Variants in COL11A1 observed in about 807,000 individuals in gnomAD.
COL11A1 encodes the protein collagen type XI alpha 1 chain.
A neutral mutation model predicts 265.2 loss-of-function variants in COL11A1; 74 were observed. The ratio of observed to expected loss-of-function variants is 0.28; its 90% CI spans 0.23 to 0.34. The LOEUF (loss-of-function observed/expected upper bound fraction) is 0.34. COL11A1 is among the 10% of genes least tolerant of loss of function. The probability of loss-of-function intolerance (pLI) is 1.00; values close to 1 mark genes in which losing one functional copy is unlikely to be tolerated. For missense variants in COL11A1, 2,165 were observed against 2,263.6 expected (o/e 0.96, Z 0.88); for synonymous variants, 816 against 727.6 (o/e 1.12, Z -1.96).
intron 46 of COL11A1, 37 bp from the exon 47 acceptor site, chr1:102,923,426 G>A: frequency 6.7e-7 from 1 of 1,499,796 alleles, no homozygotes; most frequent in Non-Finnish European, 9.1e-7. Flanking sequence ...AAAAGTCACT[G>A]ATGTCTTTAA....
intron 23 of COL11A1, 39 bp downstream of exon 23, chr1:103,002,386 TCCC>T (rs759011497): frequency 1.6e-5 from 24 of 1,511,418 alleles, no homozygotes; most frequent in Non-Finnish European, 2.1e-5. Context: ...GATAGCATCT[TCCC>T]CCCATTATTT....
intron 35 of COL11A1, among the ~76,000 whole-genome samples, chr1:102,977,627 T>C (rs1179945334): frequency 6.6e-6 from 1 of 152,178 alleles, no homozygotes; most frequent in Non-Finnish European, 1.5e-5. Flanking sequence ...TAAATTGTTC[T>C]ACTCCATTTA....
intron 49 of COL11A1, among the ~76,000 whole-genome samples, chr1:102,918,154 T>C (rs1177462749): frequency 1.3e-5 from 2 of 151,638 alleles, no homozygotes; most frequent in Admixed American, 6.6e-5. Flanking sequence ...AGAGCACTGA[T>C]ATATGAAGGA....
At chr1:103,025,162 A>G (rs1667417330) in intron 7 of COL11A1, among the ~76,000 whole-genome samples, 1 of 152,122 alleles carries the variant, frequency 6.6e-6, no homozygotes, top group Admixed American at 6.6e-5. Flanking sequence ...CGATGATACA[A>G]TTTTCACTTT....
intron 1 of COL11A1, among the ~76,000 whole-genome samples, chr1:103,097,536 T>C (rs1266995911): frequency 6.6e-6 from 1 of 152,006 alleles, no homozygotes; most frequent in African/African-American, 2.4e-5. Flanking sequence ...CTTCAAAGCA[T>C]CTAGCATAGC....
At chr1:102,968,872 A>T (rs1661688006) in intron 37 of COL11A1, among the ~76,000 whole-genome samples, 2 of 152,212 alleles carry the variant, frequency 1.3e-5, no homozygotes, top group African/African-American at 2.4e-5. Context: ...GAAGCTCCAG[A>T]TTAAATCATA....
intron 41 of COL11A1, among the ~76,000 whole-genome samples, chr1:102,947,199 A>T (rs1659382940): frequency 6.6e-6 from 1 of 152,082 alleles, no homozygotes; most frequent in Non-Finnish European, 1.5e-5. Flanking sequence ...AAAATACATC[A>T]AAATTAGATG....
chr1:102,946,697 C>T, intron 42 of COL11A1, 152 bp downstream of exon 42: 1 of 604,090 alleles, frequency 1.7e-6, no homozygotes, highest in Non-Finnish European at 2.9e-6. Flanking sequence ...TTGAAATTTT[C>T]TCTATTATAC....
In COL11A1 at chr1:102,923,401, T is replaced by A. The variant is rs1324797555; in HGVS notation, c.3601-12A>T. The A allele has an allele frequency of 3.8e-6, 6 of 1,578,940 alleles. No individual in the cohort carries two copies. In the East Asian group the frequency reaches 1.2e-4, roughly 31 times the overall value. ...GGGCCTGGCAGACCCTAAGAAAATATAATAGAAAAATAATAAAAGTCACTG... is the reference window on the plus strand; with the variant it reads ...GGGCCTGGCAGACCCTAAGAAAATAAAATAGAAAAATAATAAAAGTCACTG... On this transcript the variant is annotated splice_polypyrimidine_tract_variant and intron_variant, in intron 46 of 66. Coordinates refer to ENST00000370096, the MANE Select transcript of COL11A1 (RefSeq NM_001854.4).
intron 31 of COL11A1, among the ~76,000 whole-genome samples, chr1:102,983,625 C>T (rs553114689): frequency 6.6e-6 from 1 of 152,102 alleles, no homozygotes; most frequent in African/African-American, 2.4e-5. Context: ...CCTATGACAC[C>T]ATGATTTCAT....
Position 103,089,594 on chromosome 1 carries a change from C to A in COL11A1, c.107-6622G>T, listed in dbSNP as rs538838085. The stretch of plus-strand genomic sequence containing the variant: ...CTGTAAACCCTCTGACAGTGAACAT[C>A]AGTGCTATTGATATTCACTATCAAA... On this transcript the variant is annotated intron_variant, in intron 1 of 66. Coordinates refer to ENST00000370096, the MANE Select transcript of COL11A1 (RefSeq NM_001854.4). 2.6e-5 allele frequency among the ~76,000 whole-genome samples: 4 copies of A among 152,282 alleles called. No homozygotes were observed. The South Asian group carries it at 6.2e-4, about 24-fold the overall frequency.
intron 1 of COL11A1, among the ~76,000 whole-genome samples, chr1:103,088,102 T>G (rs1022438071): frequency 6.6e-6 from 1 of 152,180 alleles, no homozygotes; most frequent in Admixed American, 6.5e-5. Flanking sequence ...ACCATCCATA[T>G]AGATTACTGA....
At chr1:102,933,092 C>G (rs2101188538) in intron 46 of COL11A1, among the ~76,000 whole-genome samples, 1 of 149,856 alleles carries the variant, frequency 6.7e-6, no homozygotes, top group South Asian at 2.2e-4. Context: ...TCTCTCAGCT[C>G]ATCAAAGTCA....
intron 14 of COL11A1, among the ~76,000 whole-genome samples, chr1:103,010,019 C>T: frequency 6.6e-6 from 1 of 152,096 alleles, no homozygotes; most frequent in East Asian, 1.9e-4. Flanking sequence ...ACTACCTACT[C>T]AACAGATTAT....
Position 103,066,916 on chromosome 1 carries a change from C to T in COL11A1, c.651+7702G>A, listed in dbSNP as rs112778548. ...TTCTAATATCACATAAAGTAGACGT[C>T]AAGGCAAAAAATACTAGTGGAGATA... On this transcript the variant is annotated intron_variant, in intron 4 of 66. Coordinates refer to ENST00000370096, the MANE Select transcript of COL11A1 (RefSeq NM_001854.4). Among the ~76,000 whole-genome samples the T allele has an allele frequency of 4.6e-3, 695 of 151,670 alleles. 1 individual carries two copies. Among genetic ancestry groups the T allele is most frequent in the Non-Finnish European group, 7.9e-3 (533 of 67,756 alleles).
chr1:103,082,873 C>G lies in COL11A1; in HGVS notation c.206G>C (p.Gly69Ala). 1 of 1,613,548 alleles carries G rather than the reference C, an allele frequency of 6.2e-7. No homozygotes were observed. Among genetic ancestry groups the G allele is most frequent in the Non-Finnish European group, 8.5e-7 (1 of 1,179,678 alleles). ...TGAAACTCTGTAAGCAGTATCTGAG[C>G]CTTTAGAATTCTTTCTGTTTGTGCA... ...GFCTNRKNSK[G>A]SDTAYRVSKQ... The change falls in exon 2 of 67, where the codon GGC becomes GCC. Residue 69 changes from glycine to alanine, a missense_variant. Coordinates refer to ENST00000370096, the MANE Select transcript of COL11A1 (RefSeq NM_001854.4).
At chr1:102,919,085 C>A (rs2376261) in intron 49 of COL11A1, among the ~76,000 whole-genome samples, 103,365 of 151,798 alleles carry the variant, frequency 0.68, 39,085 homozygotes, top group East Asian at 0.99. Flanking sequence ...AAGTGCTCTC[C>A]CATAGGAGAC....
rs147321730 is a variant in COL11A1, at chr1:103,069,445, C to T, written c.651+5173G>A. 6.2e-4 allele frequency among the ~76,000 whole-genome samples: 94 copies of T among 151,744 alleles called. 1 individual carries two copies. Among genetic ancestry groups the T allele is most frequent in the Non-Finnish European group, 1.6e-4 (11 of 67,734 alleles). On this transcript the variant is annotated intron_variant, in intron 4 of 66. Transcript: ENST00000370096. ...CATGACCCATGTGCAAATCCTGAAACAACAACGTTCTGATACTAAAAATAG... is the reference window on the plus strand; with the variant it reads ...CATGACCCATGTGCAAATCCTGAAATAACAACGTTCTGATACTAAAAATAG...
chr1:102,967,962 TTGGC>T (rs956782885), intron 37 of COL11A1, among the ~76,000 whole-genome samples: 2 of 152,218 alleles, frequency 1.3e-5, no homozygotes, highest in African/African-American at 4.8e-5. Flanking sequence ...AGAGGAAGTC[TTGGC>T]TGCTAGCCCA....
Sources: gnomAD v4.1 joint callset for allele counts (sites outside exome capture counted in the v4.1 genomes callset) on GRCh38, gnomAD v4.1.1 for gene constraint, MANE v1.5 for transcripts, NCBI Gene and HGNC (gene_info 2026-07-23, HGNC 2026-07-21) for gene names.